The following PKNOX2 variants were observed in gnomAD, a reference collection of about 807,000 sequenced individuals.
PKNOX2 encodes homeobox protein PKNOX2.
PKNOX2 carries 14 observed loss-of-function variants against 53.1 expected under a neutral mutation model. That is an observed-to-expected ratio of 0.26 (90% CI 0.17 to 0.41). PKNOX2 has a LOEUF of 0.41. Ranked by LOEUF, PKNOX2 falls within the 10% of genes least tolerant of loss-of-function variation. The pLI, the probability that PKNOX2 is intolerant of heterozygous loss-of-function variation, is 1.00. For missense variants in PKNOX2, 496 were observed against 602.8 expected (o/e 0.82, Z 1.85); for synonymous variants, 257 against 242.8 (o/e 1.06, Z -0.54).
intron 1 of PKNOX2, among the ~76,000 whole-genome samples, chr11:125,191,655 G>A (rs1453807914): frequency 6.6e-6 from 1 of 152,076 alleles, no homozygotes; most frequent in Non-Finnish European, 1.5e-5. Context: ...CGTGTGGTTG[G>A]GGTGGGGTGC....
chr11:125,186,357 G>T (rs1038848612), intron 1 of PKNOX2, among the ~76,000 whole-genome samples: 5 of 152,118 alleles, frequency 3.3e-5, no homozygotes, highest in African/African-American at 9.7e-5. Context: ...TTACTTCATG[G>T]TAATGTCCTT....
intron 1 of PKNOX2, among the ~76,000 whole-genome samples, chr11:125,194,548 C>G (rs369586088): frequency 1.3e-5 from 2 of 152,042 alleles, no homozygotes. Flanking sequence ...CTCCTGCCCC[C>G]GAGTTGGGAT....
At chr11:125,347,151 G>A (rs1040428623) in intron 3 of PKNOX2, among the ~76,000 whole-genome samples, 1 of 152,146 alleles carries the variant, frequency 6.6e-6, no homozygotes, top group Non-Finnish European at 1.5e-5. Context: ...TGCCAGCCAT[G>A]GGCCCCGTCT....
At chr11:125,208,856 T>C (rs1361047776) in intron 1 of PKNOX2, among the ~76,000 whole-genome samples, 1 of 151,918 alleles carries the variant, frequency 6.6e-6, no homozygotes, top group African/African-American at 2.4e-5. Context: ...TCTGTGGATG[T>C]GTTGAGTGAA....
chr11:125,335,483 G>T (rs1157291722), intron 3 of PKNOX2, among the ~76,000 whole-genome samples: 1 of 151,870 alleles, frequency 6.6e-6, no homozygotes, highest in Non-Finnish European at 1.5e-5. Context: ...GTAGTCCTTG[G>T]ATTCTCACTC....
In PKNOX2 at chr11:125,385,557, T is replaced by G. The variant is rs377588863; in HGVS notation, c.234T>G (p.Pro78=). 154 of 1,608,276 alleles carry G rather than the reference T, an allele frequency of 9.6e-5. No individual in the cohort carries two copies. Among genetic ancestry groups the G allele is most frequent in the Non-Finnish European group, 1.3e-4 (150 of 1,177,864 alleles). The change falls in exon 6 of 13, where the codon CCT becomes CCG. Residue 78 remains proline (P), a synonymous_variant. Coordinates refer to ENST00000298282, the MANE Select transcript of PKNOX2 (RefSeq NM_001382323.2). The part of the protein sequence containing the change: ...EADKRAVYRH[P]LFPLLTLLFE... ...GCTCTTGATGTCCCTGCAGGCACCC[T>G]CTTTTCCCGCTCCTGACGCTGCTGT...
At chr11:125,398,796 C>A (rs1310702464) in intron 7 of PKNOX2, among the ~76,000 whole-genome samples, 1 of 152,246 alleles carries the variant, frequency 6.6e-6, no homozygotes, top group Non-Finnish European at 1.5e-5. Context: ...CAGACATCTG[C>A]ATAAGCCACA....
chr11:125,395,171 A>G lies in PKNOX2; in HGVS notation c.400-2703A>G, dbSNP rs1345144384. Among the ~76,000 whole-genome samples, 14 of 152,242 alleles carry G rather than the reference A, an allele frequency of 9.2e-5. No individual in the cohort carries two copies. In the East Asian group the frequency reaches 2.3e-3, roughly 25 times the overall value. Reference sequence around the variant, plus strand: ...CGTTTTGTAAATGGCATCATATAGTATATAATCCTTTGAGACTGGCTTTTG... The same window carrying G: ...CGTTTTGTAAATGGCATCATATAGTGTATAATCCTTTGAGACTGGCTTTTG... On this transcript the variant is annotated intron_variant, in intron 6 of 12. Coordinates refer to ENST00000298282, the MANE Select transcript of PKNOX2 (RefSeq NM_001382323.2).
intron 1 of PKNOX2, among the ~76,000 whole-genome samples, chr11:125,217,076 C>T (rs1460149560): frequency 1.3e-5 from 2 of 151,932 alleles, no homozygotes; most frequent in African/African-American, 4.8e-5. Context: ...CCCAGTCATA[C>T]ACACAGAGTC....
At chr11:125,309,206 C>T (rs1948654569) in intron 2 of PKNOX2, among the ~76,000 whole-genome samples, 1 of 147,588 alleles carries the variant, frequency 6.8e-6, no homozygotes, top group Admixed American at 6.9e-5. Flanking sequence ...CTCTCTCTTC[C>T]TTCCTTTCTC....
At chr11:125,256,066 A>G (rs1378627420) in intron 2 of PKNOX2, among the ~76,000 whole-genome samples, 1 of 151,996 alleles carries the variant, frequency 6.6e-6, no homozygotes. Context: ...TCAGGAAATG[A>G]GGGAACTTAG....
At chr11:125,268,394 G>A (rs184212188) in intron 2 of PKNOX2, among the ~76,000 whole-genome samples, 14 of 152,346 alleles carry the variant, frequency 9.2e-5, no homozygotes, top group Admixed American at 9.1e-4. Context: ...AATGAAGGCT[G>A]ATAACAGCTC....
intron 7 of PKNOX2, among the ~76,000 whole-genome samples, chr11:125,399,335 C>T (rs1030921788): frequency 5.3e-5 from 8 of 152,212 alleles, no homozygotes; most frequent in African/African-American, 1.4e-4. Flanking sequence ...TGTACTTTCC[C>T]TTATGATCAA....
chr11:125,414,145 A>G (rs1249102786), intron 10 of PKNOX2, among the ~76,000 whole-genome samples: 1 of 152,048 alleles, frequency 6.6e-6, no homozygotes, highest in Non-Finnish European at 1.5e-5. Flanking sequence ...CTCCATGGTC[A>G]CTTCCACCCA....
rs761055252 is a variant in PKNOX2, at chr11:125,385,701, T to C, written c.378T>C (p.Asp126=). Residue 126 remains aspartate (D), a synonymous_variant, in exon 6 of 13, where the codon GAT becomes GAC. Transcript: ENST00000298282. ...QEQEHKPFFS[D]DPELDNLMVK... ...AGGAGCACAAACCCTTCTTCAGCGA[T>C]GACCCAGAACTGGACAATCTGGTAA... 8 of 1,613,828 alleles carry C rather than the reference T, an allele frequency of 5.0e-6. No individual in the cohort carries two copies. The highest frequency in any genetic ancestry group is 6.8e-6 in the Non-Finnish European group (8 of 1,179,912).
intron 5 of PKNOX2, among the ~76,000 whole-genome samples, chr11:125,377,475 G>A (rs1323160196): frequency 6.6e-6 from 1 of 152,198 alleles, no homozygotes; most frequent in African/African-American, 2.4e-5. Flanking sequence ...TCAGGTGGAA[G>A]GAGCAGCAGG....
chr11:125,245,451 G>A (rs950782956), intron 2 of PKNOX2, among the ~76,000 whole-genome samples: 1 of 152,262 alleles, frequency 6.6e-6, no homozygotes, highest in East Asian at 1.9e-4. Context: ...ACCTGGGTCT[G>A]CATGACGCCA....
chr11:125,406,164 GT>G (rs1429673197), intron 7 of PKNOX2, among the ~76,000 whole-genome samples: 1 of 152,208 alleles, frequency 6.6e-6, no homozygotes, highest in Non-Finnish European at 1.5e-5. Context: ...ATAATACTGT[GT>G]GCTTAGCCAA....
intron 7 of PKNOX2, among the ~76,000 whole-genome samples, chr11:125,401,127 G>T (rs2135477552): frequency 6.6e-6 from 1 of 152,206 alleles, no homozygotes; most frequent in South Asian, 2.1e-4. Context: ...GGAGAAATAG[G>T]AAGAAAAATA....
Sources: gnomAD v4.1 joint callset for allele counts (sites outside exome capture counted in the v4.1 genomes callset) on GRCh38, gnomAD v4.1.1 for gene constraint, MANE v1.5 for transcripts, NCBI Gene and HGNC (gene_info 2026-07-23, HGNC 2026-07-21) for gene names.